Variants in RBFOX1 observed in about 807,000 individuals in gnomAD.
RBFOX1 encodes RNA binding fox-1 homolog 1.
A neutral mutation model predicts 57.7 loss-of-function variants in RBFOX1; 8 were observed. The ratio of observed to expected loss-of-function variants is 0.14; its 90% CI spans 0.08 to 0.25. The LOEUF (loss-of-function observed/expected upper bound fraction) is 0.25. Ranked by LOEUF, RBFOX1 falls within the 10% of genes least tolerant of loss-of-function variation. RBFOX1 has a pLI of 1.00. For synonymous variants in RBFOX1, 326 were observed against 222.4 expected, an observed-to-expected ratio of 1.47 and a Z score of -4.15; for missense variants, 611 against 548.5, an observed-to-expected ratio of 1.11 and a Z score of -1.14.
Position 7,710,667 on chromosome 16 carries a change from T to G in RBFOX1, c.1116T>G (p.Ala372=). Residue 372 remains alanine (A), a synonymous_variant, in exon 16 of 16, where the codon GCT becomes GCG. Coordinates refer to ENST00000550418, the MANE Select transcript of RBFOX1 (RefSeq NM_018723.4). Reference sequence around the variant, plus strand: ...CTGATGCCAAGACTAGGAGCCATGCTGATGATGTGGGTCTCGTTCTTTCTT... The same window carrying G: ...CTGATGCCAAGACTAGGAGCCATGCGGATGATGTGGGTCTCGTTCTTTCTT... ...PLTDAKTRSH[A]DDVGLVLSSL... is the part of the protein sequence containing the mutation. The G allele has an allele frequency of 6.2e-7, 1 of 1,613,794 alleles. No individual in the cohort carries two copies. Among genetic ancestry groups the G allele is most frequent in the Non-Finnish European group, 8.5e-7 (1 of 1,179,826 alleles).
chr16:5,300,732 C>G (rs1057136945), intron 1 of RBFOX1, among the ~76,000 whole-genome samples: 7 of 151,882 alleles, frequency 4.6e-5, no homozygotes, highest in Non-Finnish European at 8.8e-5. Context: ...GGTTTTGGTA[C>G]TTTGTGGTAC....
At chr16:6,884,547 T>G (rs1248056347) in intron 3 of RBFOX1, among the ~76,000 whole-genome samples, 1 of 152,170 alleles carries the variant, frequency 6.6e-6, no homozygotes, top group African/African-American at 2.4e-5. Flanking sequence ...TCTGTTACAT[T>G]ATCATAAGAC....
At chr16:6,668,367 C>G (rs1033874763) in intron 3 of RBFOX1, among the ~76,000 whole-genome samples, 2 of 152,208 alleles carry the variant, frequency 1.3e-5, no homozygotes, top group Non-Finnish European at 1.5e-5. Context: ...TTAGTTGTTT[C>G]TGTCACAGAA....
At chr16:6,192,715 C>A (rs2097149911) in intron 1 of RBFOX1, among the ~76,000 whole-genome samples, 1 of 152,146 alleles carries the variant, frequency 6.6e-6, no homozygotes, top group Non-Finnish European at 1.5e-5. Flanking sequence ...TATAAATCAG[C>A]AATGATAATT....
intron 4 of RBFOX1, among the ~76,000 whole-genome samples, chr16:5,978,493 C>T (rs190068642): frequency 9.9e-5 from 15 of 152,210 alleles, no homozygotes; most frequent in South Asian, 2.1e-4. Context: ...AAGCGACCAG[C>T]GTTGCTATAT....
At chr16:7,622,912 T>C (rs1440700417) in intron 10 of RBFOX1, among the ~76,000 whole-genome samples, 1 of 152,240 alleles carries the variant, frequency 6.6e-6, no homozygotes, top group Non-Finnish European at 1.5e-5. Flanking sequence ...GAAAATATTC[T>C]TACATGGATT....
intron 2 of RBFOX1, among the ~76,000 whole-genome samples, chr16:6,596,456 A>G (rs2153999173): frequency 1.3e-5 from 2 of 152,298 alleles, no homozygotes; most frequent in South Asian, 4.1e-4. Flanking sequence ...ATGTAAATAT[A>G]TGAAGGTATA....
rs142895578 is a variant in RBFOX1, at chr16:7,638,827, C to A, written c.757+8144C>A. Among the ~76,000 whole-genome samples, 908 of 152,134 alleles carry A rather than the reference C, an allele frequency of 6.0e-3. 27 individuals are homozygous for A. Among genetic ancestry groups the A allele is most frequent in the East Asian group, 0.048 (246 of 5,146 alleles). On this transcript the variant is annotated intron_variant, in intron 11 of 15. Coordinates refer to ENST00000550418, the MANE Select transcript of RBFOX1 (RefSeq NM_018723.4). ...GTCTGTAGGCCAGATTGGGCCCAAG[C>A]GCCATAGTTTACCCATCTCTTTGTC...
chr16:5,720,567 G>C (rs545918879), intron 3 of RBFOX1, among the ~76,000 whole-genome samples: 5 of 152,148 alleles, frequency 3.3e-5, no homozygotes, highest in Admixed American at 6.5e-5. Flanking sequence ...TCGAGTTTTA[G>C]CTCTTCCGTT....
intron 1 of RBFOX1, among the ~76,000 whole-genome samples, chr16:6,228,744 G>C (rs1017970991): frequency 1.3e-5 from 2 of 152,070 alleles, no homozygotes; most frequent in African/African-American, 4.8e-5. Flanking sequence ...ACAATATGGA[G>C]AAATCATAGT....
At chr16:5,548,524 C>T (rs1005257590) in intron 2 of RBFOX1, among the ~76,000 whole-genome samples, 2 of 151,968 alleles carry the variant, frequency 1.3e-5, no homozygotes, top group Non-Finnish European at 2.9e-5. Context: ...TGGTTTGTAA[C>T]TCAGAGGATA....
At chr16:5,916,235 C>A (rs12446719) in intron 4 of RBFOX1, among the ~76,000 whole-genome samples, 2 of 152,004 alleles carry the variant, frequency 1.3e-5, no homozygotes, top group Admixed American at 6.5e-5. Flanking sequence ...TTCCCATCAC[C>A]GTAACAGGTT....
chr16:6,439,803 A>G lies in RBFOX1; in HGVS notation c.-64+122746A>G, dbSNP rs182251791. On this transcript the variant is annotated intron_variant, in intron 2 of 15. Transcript: ENST00000550418. ...AGCTCTGGCCTTCCACATTACAAAC[A>G]CACCTGAATGAACCAAGGTGAGCAT... 1.5e-3 allele frequency among the ~76,000 whole-genome samples: 221 copies of G among 152,202 alleles called. 1 individual carries two copies. Among genetic ancestry groups the G allele is most frequent in the African/African-American group, 5.1e-3 (210 of 41,522 alleles).
intron 2 of RBFOX1, among the ~76,000 whole-genome samples, chr16:6,421,408 G>A (rs557946956): frequency 3.9e-5 from 6 of 152,176 alleles, no homozygotes; most frequent in African/African-American, 7.2e-5. Flanking sequence ...TGAGGACCAC[G>A]CGATTTTATT....
chr16:7,263,365 G>A (rs1309577036), intron 4 of RBFOX1, among the ~76,000 whole-genome samples: 1 of 152,116 alleles, frequency 6.6e-6, no homozygotes, highest in Non-Finnish European at 1.5e-5. Flanking sequence ...GATGTTCTCA[G>A]GAATCATCAG....
intron 3 of RBFOX1, among the ~76,000 whole-genome samples, chr16:6,872,011 C>T (rs1164830417): frequency 6.7e-6 from 1 of 150,002 alleles, no homozygotes; most frequent in Non-Finnish European, 1.5e-5. Flanking sequence ...TATACTCAAT[C>T]CTATTGTTCA....
intron 12 of RBFOX1, 83 bp from the exon 13 acceptor site, chr16:7,664,846 A>T: frequency 1.2e-5 from 19 of 1,612,212 alleles, no homozygotes; most frequent in Non-Finnish European, 1.6e-5. Flanking sequence ...TGACCAGACT[A>T]ACCTCGCCAG....
intron 3 of RBFOX1, among the ~76,000 whole-genome samples, chr16:6,935,516 T>G (rs2077215438): frequency 6.6e-6 from 1 of 152,218 alleles, no homozygotes; most frequent in Admixed American, 6.5e-5. Flanking sequence ...ATTTGTCTCA[T>G]GGCAATAGAT....
At chr16:6,493,587 G>A (rs1020916241) in intron 2 of RBFOX1, among the ~76,000 whole-genome samples, 2 of 152,178 alleles carry the variant, frequency 1.3e-5, no homozygotes, top group African/African-American at 2.4e-5. Flanking sequence ...ATTTCCCACT[G>A]TGAAAGATGT....
Sources: allele counts gnomAD v4.1 joint callset (sites outside exome capture counted in the v4.1 genomes callset), GRCh38; gene constraint gnomAD v4.1.1; transcripts MANE v1.5; gene names NCBI Gene and HGNC (gene_info 2026-07-23, HGNC 2026-07-21).